Variants in PNMA6E observed in about 807,000 individuals in gnomAD.
PNMA6E encodes the protein PNMA family member 6E, also known as paraneoplastic antigen Ma6E.
For missense variants in PNMA6E, 78 were observed against 50.8 expected, an observed-to-expected ratio of 1.53 and a Z score of -1.63; for synonymous variants, 43 against 17.1, an observed-to-expected ratio of 2.52 and a Z score of -3.74.
At chrX:153,409,721 G>T in the PNMA6E span, among the ~76,000 whole-genome samples, 2 of 112,357 alleles carry the variant, frequency 1.8e-5, no homozygotes, top group Admixed American at 9.3e-5. Context: ...GCAGCCCAGT[G>T]CACATGGCCC....
At chrX:153,401,962 C>T (rs562447281), upstream of PNMA6E, among the ~76,000 whole-genome samples, 6 of 107,478 alleles carry the variant, frequency 5.6e-5, no homozygotes, top group African/African-American at 1.7e-4. Context: ...GTAGCTGGGA[C>T]TACAGGTGCG....
chrX:153,412,587 A>G, the PNMA6E span, among the ~76,000 whole-genome samples: 1 of 112,304 alleles, frequency 8.9e-6, no homozygotes, highest in Non-Finnish European at 1.9e-5. Flanking sequence ...ATTTCTACCA[A>G]AACTTGAAGG....
the PNMA6E span, among the ~76,000 whole-genome samples, chrX:153,407,835 C>A: frequency 8.9e-6 from 1 of 112,450 alleles, no homozygotes; most frequent in African/African-American, 3.2e-5. Context: ...GCCCAAATGG[C>A]CCAGTCAGAC....
upstream of PNMA6E, among the ~76,000 whole-genome samples, chrX:153,406,191 G>A (rs978448803): frequency 1.8e-5 from 2 of 112,682 alleles, no homozygotes; most frequent in African/African-American, 3.2e-5. Flanking sequence ...AGCCCGGGGA[G>A]GGGAGCATTT....
At chrX:153,411,423 G>GCC in the PNMA6E span, among the ~76,000 whole-genome samples, 18,574 of 109,766 alleles carry the variant, frequency 0.17, 1,389 homozygotes, top group East Asian at 0.38. Context: ...CATGCTCCAT[G>GCC]CCCCCCCCAC....
In PNMA6E at chrX:153,397,672, G is replaced by A. The variant is rs1230265323; in HGVS notation, c.1178C>T (p.Ala393Val). Reference sequence around the variant, plus strand: ...CTGGTTCCTAAATACCTGCCCCAGCGCCGCCAGGCAGTCCAGCGCGGACAA... The same window carrying A: ...CTGGTTCCTAAATACCTGCCCCAGCACCGCCAGGCAGTCCAGCGCGGACAA... ...TNLSALDCLA[A>V]LGQVFRNQDT... is the part of the protein sequence containing the mutation. The change falls in exon 2 of 2, where the codon GCG (alanine) becomes GTG (valine). Residue 393 changes from alanine to valine, a missense_variant. Physicochemically the swap from Ala to Val is moderately conservative, Grantham distance 64. Transcript: ENST00000445091. 5.7e-5 allele frequency: 17 copies of A among 299,158 alleles called. No homozygotes were observed. In the South Asian group the frequency reaches 5.9e-4, roughly 10 times the overall value. The allele number at this position is 299,158 out of a possible 1,213,427, so 24.7% of individuals were successfully genotyped here. A position where few individuals can be genotyped will look rare whatever the true frequency, so the allele number is the denominator to read the frequency against.
At position 153,396,702 on chromosome X, in the gene PNMA6E, G is replaced by A. The variant is rs1284311822; in HGVS notation, c.*204C>T. 6 of 273,818 alleles carry A rather than the reference G, an allele frequency of 2.2e-5. No individual in the cohort carries two copies. The highest frequency in any genetic ancestry group is 5.5e-5 in the African/African-American group (2 of 36,069). 22.6% of individuals were successfully genotyped at this position (273,818 alleles called of 1,213,427 possible). Reference sequence around the variant, plus strand: ...GTGTGCTGGGTGCAAGGGAGCGGGGGGGCGCCTCTCCCCACCCCATTTTGT... The same window carrying A: ...GTGTGCTGGGTGCAAGGGAGCGGGGAGGCGCCTCTCCCCACCCCATTTTGT... On this transcript the variant is annotated 3_prime_UTR_variant, in exon 2 of 2. Transcript: ENST00000445091.
chrX:153,406,327 G>A (rs186770763), upstream of PNMA6E, among the ~76,000 whole-genome samples: 6 of 112,569 alleles, frequency 5.3e-5, no homozygotes, highest in Admixed American at 1.9e-4. Flanking sequence ...TCCCACAGGC[G>A]TACCTCGGGC....
chrX:153,397,785 C>T lies in PNMA6E; in HGVS notation c.1065G>A (p.Ser355=), dbSNP rs1330612904. ...GCAGCCACCTCTTCTTCTCCCTTTC[C>T]GACGCATGGCACCACAGCTGCAGCA... The part of the protein sequence containing the change: ...KDMLQLWCHA[S]EREKKRWLLE... The change falls in exon 2 of 2, where the codon TCG becomes TCA. Residue 355 remains serine, a synonymous_variant. Coordinates refer to ENST00000445091, the MANE Select transcript of PNMA6E (RefSeq NM_001367770.1). The T allele has an allele frequency of 1.9e-5, 6 of 309,484 alleles. No individual in the cohort carries two copies. The highest frequency in any genetic ancestry group is 3.2e-4 in the South Asian group (2 of 6,257). 25.5% of individuals were successfully genotyped at this position (309,484 alleles called of 1,213,427 possible).
chrX:153,400,760 G>A (rs1327753588), intron 1 of PNMA6E, among the ~76,000 whole-genome samples: 1 of 94,605 alleles, frequency 1.1e-5, no homozygotes, highest in Non-Finnish European at 2.1e-5. Context: ...CCCGCCCCAC[G>A]CTTGGAGCCC....
upstream of PNMA6E, chrX:153,403,979 T>C (rs1036378923): frequency 1.2e-5 from 1 of 82,156 alleles, no homozygotes; most frequent in Admixed American, 1.3e-4. Flanking sequence ...AGAAGCATGC[T>C]TCTTTTTTTT....
upstream of PNMA6E, among the ~76,000 whole-genome samples, chrX:153,406,221 C>T (rs1169341039): frequency 8.9e-6 from 1 of 112,268 alleles, no homozygotes; most frequent in African/African-American, 3.2e-5. Context: ...GGAGATTCGA[C>T]GGCATCGGCG....
the PNMA6E span, among the ~76,000 whole-genome samples, chrX:153,408,406 C>T: frequency 8.9e-6 from 1 of 112,656 alleles, no homozygotes; most frequent in African/African-American, 3.2e-5. Flanking sequence ...TTGCCCCTAC[C>T]GGCCTCATCC....
At chrX:153,398,992 T>TG in intron 1 of PNMA6E, 72 bp from the exon 2 acceptor site, 1 of 294,746 alleles carries the variant, frequency 3.4e-6, no homozygotes, top group Admixed American at 6.1e-5. Context: ...CCTACGTGTG[T>TG]GGGGGTGAGG....
the PNMA6E span, among the ~76,000 whole-genome samples, chrX:153,408,468 A>G: frequency 1.5e-4 from 17 of 112,511 alleles, no homozygotes; most frequent in Non-Finnish European, 3.0e-4. Context: ...ACTGGCCCAC[A>G]TGACACAAGG....
chrX:153,407,880 G>A, the PNMA6E span, among the ~76,000 whole-genome samples: 24 of 112,704 alleles, frequency 2.1e-4, no homozygotes, highest in African/African-American at 7.7e-4. Flanking sequence ...CCACAGAGGA[G>A]GGGCCTCTCT....
chrX:153,399,309 TTG>T (rs200672716), intron 1 of PNMA6E, among the ~76,000 whole-genome samples: 27,421 of 103,709 alleles, frequency 0.26, 3,540 homozygotes, highest in Non-Finnish European at 0.38. Flanking sequence ...CTCTTGTGTG[TTG>T]TGTGTGTGTG....
upstream of PNMA6E, among the ~76,000 whole-genome samples, chrX:153,403,581 T>C (rs1175028157): frequency 8.9e-6 from 1 of 111,991 alleles, no homozygotes; most frequent in Admixed American, 9.5e-5. Flanking sequence ...CTATAGTTTC[T>C]ATTTCTCTTC....
upstream of PNMA6E, among the ~76,000 whole-genome samples, chrX:153,405,201 G>A (rs191191020): frequency 8.9e-6 from 1 of 112,662 alleles, no homozygotes; most frequent in East Asian, 2.8e-4. Context: ...AATTTGTTAT[G>A]TAGTGATAGA....
Sources: allele counts gnomAD v4.1 joint callset (sites outside exome capture counted in the v4.1 genomes callset), GRCh38; gene constraint gnomAD v4.1.1; transcripts MANE v1.5; gene names NCBI Gene and HGNC (gene_info 2026-07-23, HGNC 2026-07-21).